The following CASP9 variants were observed in gnomAD, a reference collection of about 807,000 sequenced individuals.
The protein encoded by CASP9 is caspase 9.
CASP9 carries 29 observed loss-of-function variants against 43.5 expected under a neutral mutation model. That is an observed-to-expected ratio of 0.67 (90% confidence interval 0.50 to 0.91). The LOEUF (loss-of-function observed/expected upper bound fraction) is 0.91. Ranked by LOEUF, CASP9 falls within the 40% of genes least tolerant of loss-of-function variation. CASP9 has a pLI of 0.00. For missense variants in CASP9, 575 were observed against 537.4 expected, an observed-to-expected ratio of 1.07 and a Z score of -0.69; for synonymous variants, 206 against 211.9, an observed-to-expected ratio of 0.97 and a Z score of 0.24.
Position 15,504,738 on chromosome 1 carries a change from T to A in CASP9, c.741A>T (p.Pro247=). The A allele has an allele frequency of 6.2e-7, 1 of 1,613,710 alleles. No individual in the cohort carries two copies. The highest frequency in any genetic ancestry group is 1.7e-5 in the Admixed American group (1 of 59,872). The part of the protein sequence containing the change: ...HGCQASHLQF[P]GAVYGTDGCP... ...ATCCATCTGTGCCGTAGACAGCCCC[T>A]GGGAACTGCAGGTGGCTGGCCTAGA... Residue 247 remains proline (P), a synonymous_variant, in exon 6 of 9, where the codon CCA becomes CCT. Coordinates refer to ENST00000333868, the MANE Select transcript of CASP9 (RefSeq NM_001229.5).
chr1:15,509,460 CAAA>C lies in CASP9; in HGVS notation c.419-1556_419-1554del, dbSNP rs563284288. ...TGAAACCCCATCTGTACTAAAAATACAAAAAAAAAAAAAAAAAAAGAAAAATTA... is the reference window on the plus strand; with the variant it reads ...TGAAACCCCATCTGTACTAAAAATACAAAAAAAAAAAAAAAAGAAAAATTA... On this transcript the variant is annotated intron_variant, in intron 2 of 8. Transcript: ENST00000333868. 8.0e-3 allele frequency among the ~76,000 whole-genome samples: 843 copies of C among 105,656 alleles called. 6 individuals are homozygous for C. The highest frequency in any genetic ancestry group is 0.028 in the East Asian group (106 of 3,836). The allele number at this position is 105,656 out of a possible 152,430, so 69.3% of individuals were successfully genotyped here.
chr1:15,492,602 A>G lies in CASP9; in HGVS notation c.*341T>C, dbSNP rs559838933. 1.1e-4 allele frequency: 34 copies of G among 299,456 alleles called. No homozygotes were observed. In the South Asian group the frequency reaches 1.3e-3, roughly 11 times the overall value. 18.5% of individuals were successfully genotyped at this position (299,456 alleles called of 1,614,324 possible). A position where few individuals can be genotyped will look rare whatever the true frequency, so the allele number is the denominator to read the frequency against. ...ACAATGTACAGGACAGCCTCACAGC[A>G]AAGGGTGACCTGGCCCCACATGTCA... On this transcript the variant is annotated 3_prime_UTR_variant, in exon 9 of 9. Coordinates refer to ENST00000333868, the MANE Select transcript of CASP9 (RefSeq NM_001229.5).
upstream of CASP9, chr1:15,524,320 C>CA: frequency 2.1e-6 from 3 of 1,448,920 alleles, no homozygotes; most frequent in Non-Finnish European, 2.7e-6. Context: ...GGCCCCGGGT[C>CA]AGTCTTCGCT....
chr1:15,502,952 T>A (rs1709381926), intron 6 of CASP9, among the ~76,000 whole-genome samples: 1 of 152,034 alleles, frequency 6.6e-6, no homozygotes, highest in Admixed American at 6.6e-5. Context: ...ACTGTTGTCC[T>A]GAGGGAACTC....
Position 15,491,424 on chromosome 1 carries a change from T to C in CASP9, c.*1519A>G. On this transcript the variant is annotated 3_prime_UTR_variant, in exon 9 of 9. Coordinates refer to ENST00000333868, the MANE Select transcript of CASP9 (RefSeq NM_001229.5). ...CATCTTGATGAGGGTTTTATTATTA[T>C]TATTAATTCAGAAATCCATCCTAAC... 7.0e-7 allele frequency: 1 copy of C among 1,422,554 alleles called. No individual in the cohort carries two copies. Among genetic ancestry groups the C allele is most frequent in the South Asian group, 1.2e-5 (1 of 84,318 alleles). 88.1% of individuals were successfully genotyped at this position (1,422,554 alleles called of 1,614,324 possible).
In CASP9 at chr1:15,492,742, T is replaced by C. The variant is rs1390896452; in HGVS notation, c.*201A>G. ...CCACGTGCAATCCACGGCATTCATC[T>C]GTCCCTCTTCCTCCACTGTTCAGCA... On this transcript the variant is annotated 3_prime_UTR_variant, in exon 9 of 9. Coordinates refer to ENST00000333868, the MANE Select transcript of CASP9 (RefSeq NM_001229.5). The C allele has an allele frequency of 1.5e-6, 1 of 679,162 alleles. No individual in the cohort carries two copies. The highest frequency in any genetic ancestry group is 2.4e-6 in the Non-Finnish European group (1 of 410,432). The allele number at this position is 679,162 out of a possible 1,614,324, so 42.1% of individuals were successfully genotyped here.
At chr1:15,524,790 TAGA>T (rs1710385603), upstream of CASP9, 6 of 986,854 alleles carry the variant, frequency 6.1e-6, 1 homozygote, top group African/African-American at 7.6e-5. Flanking sequence ...GGGACGCATC[TAGA>T]AGGTCTCGCC....
chr1:15,519,715 T>G (rs933567639), intron 1 of CASP9, among the ~76,000 whole-genome samples: 1 of 151,532 alleles, frequency 6.6e-6, no homozygotes, highest in African/African-American at 2.4e-5. Context: ...AGGGTCAAGG[T>G]TGACAGGCAG....
chr1:15,517,429 G>C (rs1369956948), intron 2 of CASP9, among the ~76,000 whole-genome samples: 1 of 152,114 alleles, frequency 6.6e-6, no homozygotes, highest in Non-Finnish European at 1.5e-5. Context: ...AGGGAAAGTG[G>C]GAAGAAATGG....
intron 1 of CASP9, among the ~76,000 whole-genome samples, chr1:15,521,880 T>C (rs1476449049): frequency 1.3e-5 from 2 of 152,200 alleles, no homozygotes; most frequent in African/African-American, 4.8e-5. Flanking sequence ...TACCAATTTT[T>C]AGTTTTATTT....
intron 4 of CASP9, among the ~76,000 whole-genome samples, 177 bp downstream of exon 4, chr1:15,506,722 C>T (rs1367008164): frequency 6.6e-6 from 1 of 152,206 alleles, no homozygotes. Flanking sequence ...AGCCAGTCCT[C>T]AAACCCGGAC....
intron 2 of CASP9, among the ~76,000 whole-genome samples, chr1:15,511,942 A>G (rs1709769681): frequency 6.6e-6 from 1 of 152,044 alleles, no homozygotes; most frequent in Non-Finnish European, 1.5e-5. Context: ...AGAGCTGACC[A>G]ACAAGACCCA....
rs550760362 is a variant in CASP9, at chr1:15,492,721, G to A, written c.*222C>T. 1.5e-5 allele frequency: 9 copies of A among 610,226 alleles called. No individual in the cohort carries two copies. Among genetic ancestry groups the A allele is most frequent in the South Asian group, 1.3e-4 (6 of 46,740 alleles). 37.8% of individuals were successfully genotyped at this position (610,226 alleles called of 1,614,324 possible). The stretch of plus-strand genomic sequence containing the variant: ...GACCAGCCACTGCTCAAGAGGCCAC[G>A]TGCAATCCACGGCATTCATCTGTCC... On this transcript the variant is annotated 3_prime_UTR_variant, in exon 9 of 9. Transcript: ENST00000333868.
At chr1:15,522,265 C>G (rs1421561141) in intron 1 of CASP9, among the ~76,000 whole-genome samples, 1 of 152,214 alleles carries the variant, frequency 6.6e-6, no homozygotes, top group Non-Finnish European at 1.5e-5. Flanking sequence ...AGCCCAGATC[C>G]AACTGGTTCC....
At chr1:15,522,134 A>G (rs1489205103) in intron 1 of CASP9, among the ~76,000 whole-genome samples, 2 of 152,198 alleles carry the variant, frequency 1.3e-5, no homozygotes, top group Non-Finnish European at 2.9e-5. Flanking sequence ...TTAAATTAGA[A>G]CTTCCCAACT....
At chr1:15,524,278 C>CGCCCCCGCCCCAGGGCCT, upstream of CASP9, 1 of 1,493,992 alleles carries the variant, frequency 6.7e-7, no homozygotes, top group Non-Finnish European at 8.8e-7. Context: ...CCCCAGGACC[C>CGCCCCCGCCCCAGGGCCT]GCCCCCGCCC....
intron 5 of CASP9, among the ~76,000 whole-genome samples, chr1:15,505,723 G>A (rs1272373930): frequency 1.3e-5 from 2 of 152,216 alleles, no homozygotes; most frequent in Non-Finnish European, 2.9e-5. Flanking sequence ...AACTCTGGGT[G>A]CAGGAGCTTC....
intron 6 of CASP9, among the ~76,000 whole-genome samples, chr1:15,503,302 G>A (rs534853832): frequency 6.6e-6 from 1 of 152,188 alleles, no homozygotes; most frequent in South Asian, 2.1e-4. Flanking sequence ...GAGGTGGGAG[G>A]ATCACCTGAG....
chr1:15,503,027 G>T (rs35448662), intron 6 of CASP9, among the ~76,000 whole-genome samples: 3 of 152,114 alleles, frequency 2.0e-5, no homozygotes, highest in Non-Finnish European at 4.4e-5. Context: ...GGAGCGGGGG[G>T]CAGGCTGGGT....
Sources: gnomAD v4.1 joint callset for allele counts (sites outside exome capture counted in the v4.1 genomes callset) on GRCh38, gnomAD v4.1.1 for gene constraint, MANE v1.5 for transcripts, NCBI Gene and HGNC (gene_info 2026-07-23, HGNC 2026-07-21) for gene names.